The following CROCC variants were observed in gnomAD, a reference collection of about 807,000 sequenced individuals.
CROCC encodes rootletin.
CROCC carries 180 observed loss-of-function variants against 245.2 expected under a neutral mutation model. The observed-to-expected ratio is 0.73, with a 90% CI of 0.65 to 0.83. The LOEUF is 0.83. Ranked by LOEUF, CROCC falls within the 40% of genes least tolerant of loss-of-function variation. The pLI, the probability that CROCC is intolerant of heterozygous loss-of-function variation, is 0.00. For missense variants in CROCC, 2,688 were observed against 2,779.4 expected, an observed-to-expected ratio of 0.97 and a Z score of 0.74; for synonymous variants, 1,205 against 1,241.6, an observed-to-expected ratio of 0.97 and a Z score of 0.62.
In CROCC at chr1:16,930,481, G is replaced by A. The variant is rs142953060; in HGVS notation, c.736G>A (p.Ala246Thr). 3.7e-6 allele frequency: 6 copies of A among 1,612,456 alleles called. No homozygotes were observed. The highest frequency in any genetic ancestry group is 1.1e-5 in the South Asian group (1 of 90,948). ...NAMLREQLDQ[A>T]GSANQALSED... ...CATGCTCCGAGAACAGCTGGACCAGGCAGGCTCGGCCAACCAGGCTCTGAG... is the reference window on the plus strand; with the variant it reads ...CATGCTCCGAGAACAGCTGGACCAGACAGGCTCGGCCAACCAGGCTCTGAG... The change falls in exon 7 of 37, where the codon GCA becomes ACA. Residue 246 changes from alanine to threonine, a missense_variant. By Grantham distance (58) the Ala-to-Thr change is moderately conservative. Transcript: ENST00000375541.
At chr1:16,940,423 G>C (rs1344934166) in intron 13 of CROCC, among the ~76,000 whole-genome samples, 2 of 141,206 alleles carry the variant, frequency 1.4e-5, no homozygotes, top group African/African-American at 5.3e-5. Context: ...GAGTTTCACT[G>C]TGTGGCCCAG....
At chr1:16,945,658 C>G in intron 15 of CROCC, 52 bp downstream of exon 15, 1 of 1,565,900 alleles carries the variant, frequency 6.4e-7, no homozygotes, top group South Asian at 1.2e-5. Context: ...CCCCCAGCCC[C>G]AAGCCTTGTC....
intron 13 of CROCC, among the ~76,000 whole-genome samples, chr1:16,941,987 C>T (rs2075944568): frequency 2.6e-5 from 4 of 152,236 alleles, no homozygotes; most frequent in Admixed American, 2.6e-4. Context: ...GAGGCATAAG[C>T]CACCATGCCT....
chr1:16,922,854 A>G (rs2075440704), intron 2 of CROCC, 56 bp downstream of exon 2: 4 of 1,580,102 alleles, frequency 2.5e-6, no homozygotes, highest in South Asian at 2.3e-5. Flanking sequence ...ACCTCTTCTC[A>G]TGTCCCTTTC....
At chr1:16,914,468 G>T (rs2075282792) in intron 1 of CROCC, among the ~76,000 whole-genome samples, 2 of 152,268 alleles carry the variant, frequency 1.3e-5, no homozygotes, top group South Asian at 4.1e-4. Context: ...GACGGCCTCT[G>T]CCCCCCGCAG....
At chr1:16,939,836 T>C (rs2075884160) in intron 12 of CROCC, 58 bp from the exon 13 acceptor site, 1 of 1,545,140 alleles carries the variant, frequency 6.5e-7, no homozygotes, top group Non-Finnish European at 8.9e-7. Context: ...CAGAAGAGAG[T>C]AGGTGGCTCT....
intron 19 of CROCC, among the ~76,000 whole-genome samples, chr1:16,949,496 T>C (rs2076122117): frequency 6.6e-6 from 1 of 152,258 alleles, no homozygotes; most frequent in African/African-American, 2.4e-5. Flanking sequence ...AGATGGTAGC[T>C]ATACCATTTC....
chr1:16,930,181 G>A lies in CROCC; in HGVS notation c.595G>A (p.Gly199Arg), dbSNP rs111787883. 3.4e-4 allele frequency: 544 copies of A among 1,592,328 alleles called. No individual in the cohort carries two copies. In the African/African-American group the frequency reaches 5.0e-3, roughly 15 times the overall value. The change falls in exon 5 of 37, where the codon GGA becomes AGA. Residue 199 changes from glycine (G) to arginine (R), a missense_variant. Physicochemically the swap from Gly to Arg is moderately radical, Grantham distance 125. Transcript: ENST00000375541. ...ELEQQLLERS[G>R]ELEQQRLRDT... is the part of the protein sequence containing the mutation. ...GGAGCAGCAGCTGCTGGAGAGATCC[G>A]GAGAGCTGGAGCAGCAGCGGCTGAG...
At chr1:16,949,281 G>A (rs1475718173) in intron 19 of CROCC, among the ~76,000 whole-genome samples, 2 of 152,190 alleles carry the variant, frequency 1.3e-5, no homozygotes, top group Non-Finnish European at 1.5e-5. Context: ...CTTTTCAGAT[G>A]ACTCTCTTGG....
chr1:16,923,309 G>A lies in CROCC; in HGVS notation c.196+511G>A, dbSNP rs184052727. On this transcript the variant is annotated intron_variant, in intron 2 of 36. Transcript: ENST00000375541. ...ACTCAGTTGCAGCTGGTGTGCTGGC[G>A]TGTGGCGTTTTGGTGCTCTAACCAT... Among the ~76,000 whole-genome samples the A allele has an allele frequency of 2.3e-4, 35 of 152,396 alleles. No individual in the cohort carries two copies. The East Asian group carries it at 5.6e-3, about 24-fold the overall frequency.
intron 14 of CROCC, among the ~76,000 whole-genome samples, chr1:16,944,955 G>A (rs1215367513): frequency 8.5e-5 from 13 of 152,402 alleles, no homozygotes; most frequent in Admixed American, 3.3e-4. Flanking sequence ...AAAACAGGCC[G>A]GGCGCAGTGG....
At chr1:16,969,458 G>C in intron 32 of CROCC, 118 bp downstream of exon 32, 2 of 1,055,266 alleles carry the variant, frequency 1.9e-6, no homozygotes, top group Non-Finnish European at 2.8e-6. Flanking sequence ...TGGAGCCAAT[G>C]AGAGCAGGCT....
Position 16,922,011 on chromosome 1 carries a change from T to G in CROCC, c.-8T>G, listed in dbSNP as rs2075417012. 3.9e-6 allele frequency: 6 copies of G among 1,547,730 alleles called. No individual in the cohort carries two copies. Among genetic ancestry groups the G allele is most frequent in the South Asian group, 1.2e-5 (1 of 83,780 alleles). On this transcript the variant is annotated 5_prime_UTR_variant, in exon 1 of 37. Coordinates refer to ENST00000375541, the MANE Select transcript of CROCC (RefSeq NM_014675.5). ...GGGGGCTGGAGGCATGCCCACAGCC[T>G]CCCCCCCATGAGCTTGGGGCTGGCG...
At chr1:16,968,450 T>C in intron 31 of CROCC, 32 bp downstream of exon 31, 1 of 1,455,672 alleles carries the variant, frequency 6.9e-7, no homozygotes, top group Non-Finnish European at 9.0e-7. Flanking sequence ...AGCCACAGTG[T>C]TCACATGCCC....
chr1:16,937,591 G>C, intron 9 of CROCC, 50 bp from the exon 10 acceptor site: 1 of 1,479,382 alleles, frequency 6.8e-7, no homozygotes. Context: ...TAGTGGATTT[G>C]AGAAGCTGGG....
chr1:16,938,503 G>T lies in CROCC; in HGVS notation c.1374+20G>T, dbSNP rs953249683. ...GCACAGGTGTGAGCCCAGAGAGGCG[G>T]GAAGACAGCGCCCTGCCAGGCAGTC... On this transcript the variant is annotated intron_variant, in intron 11 of 36. Transcript: ENST00000375541. The T allele has an allele frequency of 5.2e-6, 8 of 1,549,570 alleles. No homozygotes were observed. Among genetic ancestry groups the T allele is most frequent in the Non-Finnish European group, 7.0e-6 (8 of 1,145,648 alleles).
At chr1:16,947,730 C>A (rs549554876) in intron 17 of CROCC, among the ~76,000 whole-genome samples, 10 of 152,318 alleles carry the variant, frequency 6.6e-5, no homozygotes, top group African/African-American at 2.2e-4. Flanking sequence ...GCACTTGGGT[C>A]TGGTTTATAT....
intron 30 of CROCC, 143 bp from the exon 31 acceptor site, chr1:16,968,060 C>T: frequency 1.3e-6 from 1 of 751,890 alleles, no homozygotes. Flanking sequence ...ACCGAGGACC[C>T]CAGAGGGTCC....
At chr1:16,942,376 C>T (rs2075952270) in intron 13 of CROCC, among the ~76,000 whole-genome samples, 1 of 152,284 alleles carries the variant, frequency 6.6e-6, no homozygotes, top group Admixed American at 6.5e-5. Context: ...TTTGGTTTTT[C>T]TCTTCATAAA....
Sources: gnomAD v4.1 joint callset for allele counts (sites outside exome capture counted in the v4.1 genomes callset) on GRCh38, gnomAD v4.1.1 for gene constraint, MANE v1.5 for transcripts, NCBI Gene and HGNC (gene_info 2026-07-23, HGNC 2026-07-21) for gene names.